LRRK2: variants seen among roughly 807,000 people sequenced by gnomAD.
LRRK2 encodes leucine rich repeat kinase 2.
A neutral mutation model predicts 302.6 loss-of-function variants in LRRK2; 203 were observed. That is an observed-to-expected ratio of 0.67 (90% CI 0.60 to 0.75). The LOEUF is 0.75. Ranked by LOEUF, LRRK2 falls within the 30% of genes least tolerant of loss-of-function variation. The pLI, the probability that LRRK2 is intolerant of heterozygous loss-of-function variation, is 0.00. For missense variants in LRRK2, 2,830 were observed against 2,951.0 expected (o/e 0.96, Z 0.95); for synonymous variants, 1,066 against 1,031.9 (o/e 1.03, Z -0.63).
chr12:40,299,602 A>G (rs1944545581), intron 25 of LRRK2, among the ~76,000 whole-genome samples: 1 of 152,126 alleles, frequency 6.6e-6, no homozygotes, highest in South Asian at 2.1e-4. Context: ...ATGAATAGAT[A>G]AAGGACAGAG....
intron 18 of LRRK2, among the ~76,000 whole-genome samples, chr12:40,280,674 G>A (rs1032390169): frequency 2.7e-4 from 26 of 96,426 alleles, no homozygotes; most frequent in African/African-American, 1.0e-3. Context: ...ATATAATAAG[G>A]CTGAGGTGGG....
intron 14 of LRRK2, among the ~76,000 whole-genome samples, chr12:40,272,114 T>C (rs1187916689): frequency 1.3e-5 from 2 of 152,204 alleles, no homozygotes; most frequent in Non-Finnish European, 2.9e-5. Flanking sequence ...TTGAAAATTA[T>C]TAACGATTTT....
At chr12:40,337,407 T>C (rs1183540837) in intron 40 of LRRK2, among the ~76,000 whole-genome samples, 1 of 152,190 alleles carries the variant, frequency 6.6e-6, no homozygotes, top group African/African-American at 2.4e-5. Flanking sequence ...TCAACTGCAT[T>C]TTCTGTATGT....
At chr12:40,325,691 A>G (rs1945527387) in intron 38 of LRRK2, among the ~76,000 whole-genome samples, 1 of 152,200 alleles carries the variant, frequency 6.6e-6, no homozygotes, top group African/African-American at 2.4e-5. Flanking sequence ...CAGCATCTTT[A>G]TATTAGAGTA....
rs1452740611 is a variant in LRRK2 at position 40,299,155 on chromosome 12, A to C, written c.3394A>C (p.Lys1132Gln). ...ICSPLRLKEL[K>Q]ILNLSKNHIS... ...CTCCCCCTTGAGACTGAAGGAACTGAAGATTTTAAACCTTAGTAAGAACCA... is the reference window on the plus strand; with the variant it reads ...CTCCCCCTTGAGACTGAAGGAACTGCAGATTTTAAACCTTAGTAAGAACCA... The change falls in exon 25 of 51, where the codon AAG (lysine) becomes CAG (glutamine). Residue 1132 changes from lysine to glutamine, a missense_variant. By Grantham distance (53) the Lys-to-Gln change is moderately conservative (BLOSUM62 1). This residue lies in a region of LRRK2 where 2,121 missense variants were observed against 2,148.0 expected (regional missense o/e 0.99). Coordinates refer to ENST00000298910, the MANE Select transcript of LRRK2 (RefSeq NM_198578.4). The C allele has an allele frequency of 6.2e-7, 1 of 1,613,412 alleles. No homozygotes were observed. The highest frequency in any genetic ancestry group is 8.5e-7 in the Non-Finnish European group (1 of 1,179,780).
At chr12:40,348,224 A>G (rs1227007263) in intron 42 of LRRK2, among the ~76,000 whole-genome samples, 185 bp from the exon 43 acceptor site, 1 of 152,126 alleles carries the variant, frequency 6.6e-6, no homozygotes, top group Non-Finnish European at 1.5e-5. Context: ...TCTTTTCCAC[A>G]TCTCTTAGTG....
At chr12:40,334,477 C>T (rs1220408809) in intron 39 of LRRK2, among the ~76,000 whole-genome samples, 2 of 152,182 alleles carry the variant, frequency 1.3e-5, no homozygotes, top group African/African-American at 4.8e-5. Flanking sequence ...AACATAAACA[C>T]TTGATTAACA....
At chr12:40,275,095 A>T in intron 16 of LRRK2, 102 bp downstream of exon 16, 1 of 1,238,404 alleles carries the variant, frequency 8.1e-7, no homozygotes. Context: ...ATTCTAGTTA[A>T]TGGAAAACCA....
Position 40,321,181 on chromosome 12 carries a change from A to C in LRRK2, c.5163A>C (p.Ser1721=), listed in dbSNP as rs79909111. ...TTGAGATTTCACCTTACATGCTTTCAGGGAGAGGTAAGTATCTAATGAAGA... is the reference window on the plus strand; with the variant it reads ...TTGAGATTTCACCTTACATGCTTTCCGGGAGAGGTAAGTATCTAATGAAGA... ...RLLEISPYML[S]GRERALRPNR... Residue 1721 remains serine (S), a synonymous_variant, in exon 35 of 51, where the codon TCA becomes TCC. Coordinates refer to ENST00000298910, the MANE Select transcript of LRRK2 (RefSeq NM_198578.4). 1 of 1,611,608 alleles carries C rather than the reference A, an allele frequency of 6.2e-7. No individual in the cohort carries two copies. Among genetic ancestry groups the C allele is most frequent in the Non-Finnish European group, 8.5e-7 (1 of 1,178,224 alleles).
At chr12:40,312,517 A>G (rs1288334000) in intron 31 of LRRK2, among the ~76,000 whole-genome samples, 2 of 151,990 alleles carry the variant, frequency 1.3e-5, no homozygotes, top group Admixed American at 6.6e-5. Context: ...TATTTTTCAT[A>G]TTTGCCTTTG....
rs115867793 is a variant in LRRK2, at chr12:40,320,809, G to A, written c.5016-225G>A. Among the ~76,000 whole-genome samples the A allele has an allele frequency of 0.011, 1,705 of 151,910 alleles. 28 individuals carry two copies. The highest frequency in any genetic ancestry group is 0.039 in the African/African-American group (1,615 of 41,462). ...TAATAATTTATGTATTAGTGCACAG[G>A]GATTACCGAAAATATTTCATGCATC... On this transcript the variant is annotated intron_variant, in intron 34 of 50. Transcript: ENST00000298910.
chr12:40,312,381 T>G (rs1414662707), intron 31 of LRRK2, among the ~76,000 whole-genome samples: 5 of 152,270 alleles, frequency 3.3e-5, no homozygotes, highest in Admixed American at 2.0e-4. Flanking sequence ...GAAGAATGAC[T>G]CTTTCAGATG....
intron 16 of LRRK2, among the ~76,000 whole-genome samples, chr12:40,275,703 C>T (rs1236024338): frequency 5.9e-5 from 9 of 151,878 alleles, no homozygotes; most frequent in South Asian, 2.1e-4. Flanking sequence ...AGCTGCTTCC[C>T]GAGCTCAAGT....
At chr12:40,356,256 C>G (rs1467391846) in intron 46 of LRRK2, 69 bp downstream of exon 46, 1 of 1,079,964 alleles carries the variant, frequency 9.3e-7, no homozygotes, top group Admixed American at 2.2e-5. Flanking sequence ...TCTCACACCC[C>G]TCTTATGGGA....
intron 43 of LRRK2, among the ~76,000 whole-genome samples, chr12:40,349,284 T>A (rs910694851): frequency 3.9e-5 from 6 of 152,200 alleles, no homozygotes; most frequent in African/African-American, 1.4e-4. Flanking sequence ...TCCTCCAGTA[T>A]TACCCTGTCT....
intron 6 of LRRK2, among the ~76,000 whole-genome samples, chr12:40,241,523 A>G (rs1025303855): frequency 3.5e-5 from 5 of 144,866 alleles, no homozygotes; most frequent in African/African-American, 1.2e-4. Context: ...AACACTTTGT[A>G]TTTTATGTAT....
intron 16 of LRRK2, among the ~76,000 whole-genome samples, chr12:40,276,796 G>A (rs1325343403): frequency 6.6e-6 from 1 of 151,968 alleles, no homozygotes; most frequent in Non-Finnish European, 1.5e-5. Context: ...CATCATAAGA[G>A]TTCGAAGTAA....
chr12:40,264,228 C>T (rs1942906266), intron 14 of LRRK2, among the ~76,000 whole-genome samples: 1 of 152,210 alleles, frequency 6.6e-6, no homozygotes, highest in South Asian at 2.1e-4. Flanking sequence ...ATGCTGGGTA[C>T]TATGGCTGCT....
At chr12:40,326,721 A>G (rs955072303) in intron 38 of LRRK2, among the ~76,000 whole-genome samples, 1 of 151,956 alleles carries the variant, frequency 6.6e-6, no homozygotes, top group African/African-American at 2.4e-5. Flanking sequence ...ACCCGATTCT[A>G]TTTCTGATTC....
Sources: allele counts gnomAD v4.1 joint callset (sites outside exome capture counted in the v4.1 genomes callset), GRCh38; gene constraint gnomAD v4.1.1; regional missense constraint gnomAD v4.1.1; transcripts MANE v1.5; gene names NCBI Gene and HGNC (gene_info 2026-07-23, HGNC 2026-07-21).